The following UCK2 variants were observed in gnomAD, a reference collection of about 807,000 sequenced individuals.
The protein encoded by UCK2 is uridine-cytidine kinase 2.
Under a neutral mutation model 30.8 loss-of-function variants are expected in UCK2, and 6 were observed. The ratio of observed to expected loss-of-function variants is 0.19; its 90% CI spans 0.11 to 0.38. The LOEUF (loss-of-function observed/expected upper bound fraction) is 0.38. Among genes scored for constraint, UCK2 ranks in the 10% least tolerant of loss-of-function variants. UCK2 has a pLI of 1.00. For missense variants in UCK2, 210 were observed against 339.8 expected (o/e 0.62, Z 3.00); for synonymous variants, 125 against 133.6 (o/e 0.94, Z 0.45).
chr1:165,855,929 G>A (rs6426942), intron 1 of UCK2, among the ~76,000 whole-genome samples: 121,857 of 152,016 alleles, frequency 0.8, 51,105 homozygotes, highest in Non-Finnish European at 0.94. Context: ...CCCTGGTGCA[G>A]ATTGACTAAC....
chr1:165,832,886 C>A (rs143233086), intron 1 of UCK2, among the ~76,000 whole-genome samples: 2 of 152,122 alleles, frequency 1.3e-5, no homozygotes, highest in Non-Finnish European at 1.5e-5. Context: ...TGTGCCCGGC[C>A]GGTTTTTTTT....
chr1:165,832,497 C>T (rs941765041), intron 1 of UCK2, among the ~76,000 whole-genome samples: 5 of 152,202 alleles, frequency 3.3e-5, no homozygotes, highest in African/African-American at 1.2e-4. Context: ...ATTTGATTAT[C>T]TATTCCCTTT....
chr1:165,841,109 GTGTATA>G (rs777454563), intron 1 of UCK2, among the ~76,000 whole-genome samples: 30 of 46,432 alleles, frequency 6.5e-4, no homozygotes, highest in South Asian at 3.8e-3. Flanking sequence ...GTGTGTGTGT[GTGTATA>G]TATATATATA....
At chr1:165,857,702 G>C (rs764863515) in intron 1 of UCK2, among the ~76,000 whole-genome samples, 7 of 152,194 alleles carry the variant, frequency 4.6e-5, no homozygotes, top group Non-Finnish European at 8.8e-5. Context: ...TTTGAGGCTT[G>C]ACAGCCCTGT....
chr1:165,901,216 T>G (rs923444305), intron 4 of UCK2, among the ~76,000 whole-genome samples: 2 of 152,188 alleles, frequency 1.3e-5, no homozygotes, highest in Non-Finnish European at 2.9e-5. Flanking sequence ...GGTGGGCAAG[T>G]CCTGACACAT....
At chr1:165,858,870 TG>T (rs1654819493) in intron 1 of UCK2, among the ~76,000 whole-genome samples, 1 of 152,150 alleles carries the variant, frequency 6.6e-6, no homozygotes, top group Admixed American at 6.5e-5. Context: ...TGACAATGAC[TG>T]TGGGAGCGGG....
At chr1:165,903,392 T>C in intron 5 of UCK2, 113 bp downstream of exon 5, 2 of 851,890 alleles carry the variant, frequency 2.3e-6, no homozygotes, top group Non-Finnish European at 3.7e-6. Flanking sequence ...CTCCTCTCTC[T>C]GAGTGATCCT....
chr1:165,899,368 T>A (rs1647381538), intron 4 of UCK2, among the ~76,000 whole-genome samples: 1 of 152,346 alleles, frequency 6.6e-6, no homozygotes, highest in African/African-American at 2.4e-5. Context: ...TGACCCCTCA[T>A]CTTCCTCATC....
intron 1 of UCK2, among the ~76,000 whole-genome samples, chr1:165,836,534 T>C (rs1479750073): frequency 6.6e-6 from 1 of 152,188 alleles, no homozygotes; most frequent in Admixed American, 6.5e-5. Flanking sequence ...AGCTTGCCAT[T>C]CATCTCCTCT....
chr1:165,841,434 A>G (rs757528426), intron 1 of UCK2, among the ~76,000 whole-genome samples: 2 of 151,980 alleles, frequency 1.3e-5, no homozygotes, highest in African/African-American at 2.4e-5. Flanking sequence ...TCCACCCCCA[A>G]TCAGCCTCCC....
chr1:165,835,668 C>T (rs907444152), intron 1 of UCK2, among the ~76,000 whole-genome samples: 23 of 152,256 alleles, frequency 1.5e-4, no homozygotes, highest in Admixed American at 3.9e-4. Flanking sequence ...TATTGTCATA[C>T]ATTTTAAAAC....
rs147886070 is a variant in UCK2, at chr1:165,901,818, A to C, written c.500-1364A>C. On this transcript the variant is annotated intron_variant, in intron 4 of 6. Coordinates refer to ENST00000367879, the MANE Select transcript of UCK2 (RefSeq NM_012474.5). Reference sequence around the variant, plus strand: ...AGTCTTCTTTCTATTTATTGACAGAAGACTCTATTTAATAAAGAGTGTATG... The same window carrying C: ...AGTCTTCTTTCTATTTATTGACAGACGACTCTATTTAATAAAGAGTGTATG... Among the ~76,000 whole-genome samples, 938 of 152,188 alleles carry C rather than the reference A, an allele frequency of 6.2e-3. 9 individuals are homozygous for C. Among genetic ancestry groups the C allele is most frequent in the African/African-American group, 0.021 (887 of 41,512 alleles).
chr1:165,846,774 A>G (rs1234948669), intron 1 of UCK2, among the ~76,000 whole-genome samples: 1 of 152,216 alleles, frequency 6.6e-6, no homozygotes, highest in Non-Finnish European at 1.5e-5. Context: ...GGATTAGAAC[A>G]TGTTTTTCCT....
intron 5 of UCK2, among the ~76,000 whole-genome samples, chr1:165,904,910 C>T (rs1302022578): frequency 6.6e-6 from 1 of 152,176 alleles, no homozygotes; most frequent in African/African-American, 2.4e-5. Context: ...AGAAATATGC[C>T]TCTTTGTGGC....
chr1:165,858,444 C>T (rs954534086), intron 1 of UCK2, among the ~76,000 whole-genome samples: 3 of 152,190 alleles, frequency 2.0e-5, no homozygotes, highest in African/African-American at 7.2e-5. Flanking sequence ...GCCTTGCCTA[C>T]ATTAGCTCGA....
intron 1 of UCK2, among the ~76,000 whole-genome samples, chr1:165,877,075 A>G (rs1655355237): frequency 6.6e-6 from 1 of 152,182 alleles, no homozygotes; most frequent in African/African-American, 2.4e-5. Context: ...GGGGGCAACA[A>G]TGTAACTCAC....
At chr1:165,834,091 G>C (rs1457479277) in intron 1 of UCK2, among the ~76,000 whole-genome samples, 1 of 152,060 alleles carries the variant, frequency 6.6e-6, no homozygotes, top group African/African-American at 2.4e-5. Context: ...TAAAAATCTT[G>C]TTTAATACTT....
At chr1:165,882,596 C>T (rs542440760) in intron 1 of UCK2, among the ~76,000 whole-genome samples, 4 of 152,096 alleles carry the variant, frequency 2.6e-5, no homozygotes, top group Admixed American at 6.5e-5. Context: ...TGGTGAGGGC[C>T]GCTGTCTGCT....
intron 4 of UCK2, among the ~76,000 whole-genome samples, chr1:165,899,839 T>G (rs1647394278): frequency 6.6e-6 from 1 of 152,152 alleles, no homozygotes; most frequent in African/African-American, 2.4e-5. Context: ...GGCCCTCTGT[T>G]GTCCTTGGCT....
Sources: gnomAD v4.1 joint callset for allele counts (sites outside exome capture counted in the v4.1 genomes callset) on GRCh38, gnomAD v4.1.1 for gene constraint, MANE v1.5 for transcripts, NCBI Gene and HGNC (gene_info 2026-07-23, HGNC 2026-07-21) for gene names.